The following CCDC102A variants were observed in gnomAD, a reference collection of about 807,000 sequenced individuals.
CCDC102A encodes coiled-coil domain-containing protein 102A.
In CCDC102A, 40 loss-of-function variants were observed where a neutral mutation model predicts 55.5. The observed-to-expected ratio is 0.72, with a 90% CI of 0.56 to 0.94. CCDC102A has a LOEUF of 0.94. Among genes scored for constraint, CCDC102A ranks in the 40% least tolerant of loss-of-function variants. The pLI is 0.00. For missense variants in CCDC102A, 779 were observed against 768.6 expected, an observed-to-expected ratio of 1.01 and a Z score of -0.16; for synonymous variants, 323 against 339.0, an observed-to-expected ratio of 0.95 and a Z score of 0.52.
At chr16:57,535,986 C>T (rs1186035848) in intron 1 of CCDC102A, among the ~76,000 whole-genome samples, 7 of 152,204 alleles carry the variant, frequency 4.6e-5, no homozygotes, top group African/African-American at 1.7e-4. Flanking sequence ...GCTGGCCCTG[C>T]GAACCGCCCC....
chr16:57,521,140 T>C lies in CCDC102A; in HGVS notation c.849A>G (p.Leu283=), dbSNP rs1487320016. ...KLALSRNIEK[L]EGELSQWKIK... The stretch of plus-strand genomic sequence containing the variant: ...TCTTCCACTGGCTGAGCTCCCCCTC[T>C]AGCTTCTCAATGTTCCTGCTCAACG... The change falls in exon 4 of 9, where the codon CTA becomes CTG. Residue 283 remains leucine, a synonymous_variant. Coordinates refer to ENST00000258214, the MANE Select transcript of CCDC102A (RefSeq NM_033212.4). 1.9e-6 allele frequency: 3 copies of C among 1,613,564 alleles called. No individual in the cohort carries two copies. Among genetic ancestry groups the C allele is most frequent in the Non-Finnish European group, 2.5e-6 (3 of 1,179,972 alleles).
chr16:57,512,700 G>T lies in CCDC102A; in HGVS notation c.*41C>A. On this transcript the variant is annotated 3_prime_UTR_variant, in exon 9 of 9. Coordinates refer to ENST00000258214, the MANE Select transcript of CCDC102A (RefSeq NM_033212.4). Reference sequence around the variant, plus strand: ...AGTGGCTGGTTAGCCTGGACCCTGGGCAGGTATGGGGCGGCCCATCCTGCC... The same window carrying T: ...AGTGGCTGGTTAGCCTGGACCCTGGTCAGGTATGGGGCGGCCCATCCTGCC... The T allele has an allele frequency of 1.9e-6, 3 of 1,590,014 alleles. No homozygotes were observed. The highest frequency in any genetic ancestry group is 2.6e-6 in the Non-Finnish European group (3 of 1,166,744).
chr16:57,528,624 T>C lies in CCDC102A; in HGVS notation c.554A>G (p.Asp185Gly). 2.3e-6 allele frequency: 3 copies of C among 1,278,570 alleles called. No individual in the cohort carries two copies. Among genetic ancestry groups the C allele is most frequent in the African/African-American group, 3.2e-5 (2 of 61,814 alleles). The allele number at this position is 1,278,570 out of a possible 1,614,324, so 79.2% of individuals were successfully genotyped here. Residue 185 changes from aspartate (D) to glycine (G), a missense_variant, in exon 2 of 9, where the codon GAC (aspartate) becomes GGC (glycine). Physicochemically the swap from Asp to Gly is moderately conservative, Grantham distance 94. Coordinates refer to ENST00000258214, the MANE Select transcript of CCDC102A (RefSeq NM_033212.4). ...GCCTGGCGGCCTCTCGGACCCGACGTCACGCACTGGCTCGCGCTCCGCTTC... is the reference window on the plus strand; with the variant it reads ...GCCTGGCGGCCTCTCGGACCCGACGCCACGCACTGGCTCGCGCTCCGCTTC... ...EPEAEREPVRDVGSERPPGSQ... is the reference protein window; with the variant it reads ...EPEAEREPVRGVGSERPPGSQ...
chr16:57,521,240 G>T (rs1036462117), intron 3 of CCDC102A, 64 bp from the exon 4 acceptor site: 1 of 1,287,634 alleles, frequency 7.8e-7, no homozygotes, highest in Admixed American at 1.7e-5. Flanking sequence ...CCTCACCAAG[G>T]GTGGCCCTGC....
At chr16:57,513,093 A>G (rs2031894348) in intron 8 of CCDC102A, among the ~76,000 whole-genome samples, 1 of 152,166 alleles carries the variant, frequency 6.6e-6, no homozygotes, top group African/African-American at 2.4e-5. Context: ...AGTCACACAG[A>G]TGGTGGGGAG....
In CCDC102A at chr16:57,529,602, T is replaced by C. The variant is rs912567773; in HGVS notation, c.-147-278A>G. Among the ~76,000 whole-genome samples, 7 of 152,208 alleles carry C rather than the reference T, an allele frequency of 4.6e-5. No individual in the cohort carries two copies. Among genetic ancestry groups the C allele is most frequent in the Non-Finnish European group, 1.0e-4 (7 of 68,040 alleles). ...TCCCGGCTCACACACTGATGGCTTA[T>C]ACTATACTACTATGCAACTTCCGCA... On this transcript the variant is annotated intron_variant, in intron 1 of 8. Transcript: ENST00000258214. The surrounding 1 kb of genome is among the most constrained non-coding windows in gnomAD (Gnocchi z 4.1).
intron 3 of CCDC102A, among the ~76,000 whole-genome samples, chr16:57,523,791 C>T (rs1352519680): frequency 6.6e-6 from 1 of 152,076 alleles, no homozygotes; most frequent in African/African-American, 2.4e-5. Flanking sequence ...ATGAAAAATA[C>T]AAAAATTAGC....
At chr16:57,524,459 C>T (rs1462355931) in intron 3 of CCDC102A, among the ~76,000 whole-genome samples, 3 of 152,170 alleles carry the variant, frequency 2.0e-5, no homozygotes. Flanking sequence ...TGCCTGTAAT[C>T]CCAGCTACTC....
chr16:57,532,396 C>G (rs1300040965), intron 1 of CCDC102A, among the ~76,000 whole-genome samples: 1 of 152,172 alleles, frequency 6.6e-6, no homozygotes, highest in Non-Finnish European at 1.5e-5. Context: ...CCAGGAGATC[C>G]CTAGCAGCCT....
Position 57,516,152 on chromosome 16 carries a change from C to G in CCDC102A, c.1419+141G>C, listed in dbSNP as rs1236575838. 2 of 745,162 alleles carry G rather than the reference C, an allele frequency of 2.7e-6. No homozygotes were observed. Among genetic ancestry groups the G allele is most frequent in the African/African-American group, 3.5e-5 (2 of 56,968 alleles). The allele number at this position is 745,162 out of a possible 1,614,324, so 46.2% of individuals were successfully genotyped here. A position where few individuals can be genotyped will look rare whatever the true frequency, so the allele number is the denominator to read the frequency against. On this transcript the variant is annotated intron_variant, in intron 7 of 8. Coordinates refer to ENST00000258214, the MANE Select transcript of CCDC102A (RefSeq NM_033212.4). The surrounding 1 kb of genome is among the most constrained non-coding windows in gnomAD (Gnocchi z 4.4). ...GCCATCCATTCATCACGCACCTACC[C>G]ACTCTATCCTGGGCGACTCCTGAGA... is the stretch of plus-strand genomic sequence containing the variant.
Position 57,530,220 on chromosome 16 carries a change from TTC to T in CCDC102A, c.-147-898_-147-897del, listed in dbSNP as rs147871564. 7.2e-5 allele frequency among the ~76,000 whole-genome samples: 11 copies of T among 152,160 alleles called. No individual in the cohort carries two copies. The East Asian group carries it at 1.9e-3, about 27-fold the overall frequency. ...TGACTCACCGCAAACAGCTCTCTTG[TTC>T]TCTGTGTCTCACTTCAGCCTCCCCA... is the stretch of plus-strand genomic sequence containing the variant. On this transcript the variant is annotated intron_variant, in intron 1 of 8. Coordinates refer to ENST00000258214, the MANE Select transcript of CCDC102A (RefSeq NM_033212.4).
intron 1 of CCDC102A, among the ~76,000 whole-genome samples, chr16:57,532,071 G>A (rs1465232734): frequency 1.3e-5 from 2 of 152,148 alleles, no homozygotes; most frequent in African/African-American, 2.4e-5. Flanking sequence ...GTAAGCCACT[G>A]TCCCTTTCTG....
intron 4 of CCDC102A, among the ~76,000 whole-genome samples, chr16:57,520,459 C>G (rs1567602816): frequency 6.6e-6 from 1 of 152,078 alleles, no homozygotes; most frequent in East Asian, 1.9e-4. Flanking sequence ...GTCGGTCTCC[C>G]ATGCCCACAG....
At chr16:57,517,938 A>G in intron 6 of CCDC102A, 130 bp downstream of exon 6, 1 of 1,077,214 alleles carries the variant, frequency 9.3e-7, no homozygotes, top group Non-Finnish European at 1.3e-6. Flanking sequence ...CAACTGGTCT[A>G]GCACACAAGG....
intron 3 of CCDC102A, among the ~76,000 whole-genome samples, chr16:57,522,339 G>A (rs1398077197): frequency 6.6e-6 from 1 of 152,150 alleles, no homozygotes; most frequent in African/African-American, 2.4e-5. Context: ...CAAGTGCCCA[G>A]CTCATATTGT....
At chr16:57,522,945 C>T (rs1305719164) in intron 3 of CCDC102A, among the ~76,000 whole-genome samples, 1 of 152,214 alleles carries the variant, frequency 6.6e-6, no homozygotes, top group African/African-American at 2.4e-5. Context: ...GGCAGGTGGG[C>T]TCCCTGAGCT....
chr16:57,514,931 G>C (rs1304734264), intron 8 of CCDC102A, among the ~76,000 whole-genome samples: 1 of 152,044 alleles, frequency 6.6e-6, no homozygotes, highest in Non-Finnish European at 1.5e-5. Context: ...TCCAGGCCTG[G>C]GGCCCCTCCA....
In CCDC102A at chr16:57,516,436, C is replaced by A. The variant is rs763002448; in HGVS notation, c.1276G>T (p.Gly426Cys). The change falls in exon 7 of 9, where the codon GGC (glycine) becomes TGC (cysteine). Residue 426 changes from glycine (G) to cysteine (C), a missense_variant. By Grantham distance (159) the Gly-to-Cys change is radical. Coordinates refer to ENST00000258214, the MANE Select transcript of CCDC102A (RefSeq NM_033212.4). The surrounding 1 kb of genome is among the most constrained non-coding windows in gnomAD (Gnocchi z 4.4). The stretch of plus-strand genomic sequence containing the variant: ...TCCTGGAACTGCTTCTTCAGCTTGC[C>A]ATGCACATGCTTCAGGTCTGCCAGC... Reference protein sequence around the residue: ...KELADLKHVHGKLKKQFQEKV... With the variant: ...KELADLKHVHCKLKKQFQEKV... The A allele has an allele frequency of 1.2e-6, 2 of 1,608,374 alleles. No homozygotes were observed. The highest frequency in any genetic ancestry group is 2.2e-5 in the South Asian group (2 of 91,032).
At chr16:57,527,859 T>C (rs2146711688) in intron 2 of CCDC102A, among the ~76,000 whole-genome samples, 1 of 152,384 alleles carries the variant, frequency 6.6e-6, no homozygotes, top group South Asian at 2.1e-4. Flanking sequence ...GCCGTTGCTA[T>C]TACTGCCTTT....
Sources: gnomAD v4.1 joint callset for allele counts (sites outside exome capture counted in the v4.1 genomes callset) on GRCh38, gnomAD v4.1.1 for gene constraint, Gnocchi (gnomAD v3.1) non-coding constraint, MANE v1.5 for transcripts, NCBI Gene and HGNC (gene_info 2026-07-23, HGNC 2026-07-21) for gene names.